PLXDC2: variants seen among roughly 807,000 people sequenced by gnomAD.
The protein encoded by PLXDC2 is plexin domain containing 2, also known as plexin domain-containing protein 2.
Under a neutral mutation model 68.9 loss-of-function variants are expected in PLXDC2, and 40 were observed. The ratio of observed to expected loss-of-function variants is 0.58; its 90% CI spans 0.45 to 0.76. The LOEUF (loss-of-function observed/expected upper bound fraction) is 0.76, where lower values mean the gene tolerates loss of function less well. Ranked by LOEUF, PLXDC2 falls within the 30% of genes least tolerant of loss-of-function variation. The probability of loss-of-function intolerance (pLI) is 0.00; values close to 1 mark genes in which losing one functional copy is unlikely to be tolerated. For missense variants in PLXDC2, 644 were observed against 661.9 expected, an observed-to-expected ratio of 0.97 and a Z score of 0.30; for synonymous variants, 243 against 234.2, an observed-to-expected ratio of 1.04 and a Z score of -0.34.
chr10:19,914,166 G>A (rs1283103838), intron 1 of PLXDC2, among the ~76,000 whole-genome samples: 1 of 150,478 alleles, frequency 6.6e-6, no homozygotes, highest in Non-Finnish European at 1.5e-5. Flanking sequence ...AGGAAAGAAG[G>A]AATACATCAA....
rs1262564948 is a variant in PLXDC2, at chr10:19,950,223, AT to A, written c.113-51547del. ...TCCAAGTAGAAAAAGAAGTCAAACT[AT>A]TTTTCTTCACTGACAATATGATTCT... On this transcript the variant is annotated intron_variant, in intron 1 of 13. Coordinates refer to ENST00000377252, the MANE Select transcript of PLXDC2 (RefSeq NM_032812.9). 2.6e-5 allele frequency among the ~76,000 whole-genome samples: 4 copies of A among 152,136 alleles called. No individual in the cohort carries two copies. In the East Asian group the frequency reaches 7.7e-4, roughly 29 times the overall value.
chr10:19,935,742 A>G (rs1489305659), intron 1 of PLXDC2, among the ~76,000 whole-genome samples: 1 of 152,256 alleles, frequency 6.6e-6, no homozygotes, highest in Non-Finnish European at 1.5e-5. Flanking sequence ...CAGCAAACCC[A>G]TAAACAGAGT....
intron 7 of PLXDC2, among the ~76,000 whole-genome samples, chr10:20,165,771 A>T (rs1834366489): frequency 6.6e-6 from 1 of 152,200 alleles, no homozygotes; most frequent in Non-Finnish European, 1.5e-5. Context: ...ATTTTATAGA[A>T]TAAAAAGGGA....
At chr10:20,116,492 T>C (rs1415890328) in intron 4 of PLXDC2, among the ~76,000 whole-genome samples, 1 of 135,954 alleles carries the variant, frequency 7.4e-6, no homozygotes, top group African/African-American at 3.0e-5. Flanking sequence ...TAATAAGCCA[T>C]TTTTTTTTTG....
At chr10:20,091,614 G>A (rs1459057818) in intron 4 of PLXDC2, 1 of 152,126 alleles carries the variant, frequency 6.6e-6, no homozygotes, top group Admixed American at 6.5e-5. Context: ...CCCGCACTGA[G>A]TTTCAGACAT....
intron 1 of PLXDC2, among the ~76,000 whole-genome samples, chr10:19,843,714 A>G (rs1836947804): frequency 6.6e-6 from 1 of 152,198 alleles, no homozygotes; most frequent in South Asian, 2.1e-4. Context: ...TGGGAGCTAA[A>G]AAAATGTGAT....
intron 1 of PLXDC2, among the ~76,000 whole-genome samples, chr10:19,934,909 C>T (rs1003959983): frequency 1.3e-5 from 2 of 152,086 alleles, no homozygotes; most frequent in Non-Finnish European, 2.9e-5. Flanking sequence ...AAAAAATATT[C>T]AAAGAAATAT....
intron 2 of PLXDC2, among the ~76,000 whole-genome samples, chr10:20,032,211 A>C (rs1469846080): frequency 1.3e-5 from 2 of 152,214 alleles, no homozygotes; most frequent in Non-Finnish European, 2.9e-5. Context: ...AGAACAATTA[A>C]AACAGACTAA....
At chr10:20,013,831 A>C (rs967668871) in intron 2 of PLXDC2, among the ~76,000 whole-genome samples, 1 of 152,202 alleles carries the variant, frequency 6.6e-6, no homozygotes, top group African/African-American at 2.4e-5. Flanking sequence ...TCCACTGAGT[A>C]ATCAGATACT....
intron 1 of PLXDC2, among the ~76,000 whole-genome samples, chr10:19,923,436 A>G (rs1279188390): frequency 1.3e-5 from 2 of 152,212 alleles, no homozygotes; most frequent in East Asian, 3.8e-4. Flanking sequence ...GTAAAAATCA[A>G]AGGATTTATA....
chr10:19,941,554 G>A (rs888389427), intron 1 of PLXDC2, among the ~76,000 whole-genome samples: 5 of 152,174 alleles, frequency 3.3e-5, no homozygotes, highest in Non-Finnish European at 7.3e-5. Flanking sequence ...GCACACCACT[G>A]AACCTTTTTT....
At chr10:20,237,828 A>G (rs1381818096) in intron 12 of PLXDC2, among the ~76,000 whole-genome samples, 1 of 152,192 alleles carries the variant, frequency 6.6e-6, no homozygotes, top group Non-Finnish European at 1.5e-5. Flanking sequence ...GGATATTAAT[A>G]TATTATGGAA....
chr10:20,203,857 T>A (rs1257499090), intron 9 of PLXDC2, among the ~76,000 whole-genome samples: 1 of 152,160 alleles, frequency 6.6e-6, no homozygotes, highest in East Asian at 1.9e-4. Flanking sequence ...TAAAGCAAAG[T>A]TCTTGTATTC....
intron 2 of PLXDC2, among the ~76,000 whole-genome samples, chr10:20,024,870 G>A (rs1386460145): frequency 1.3e-5 from 2 of 152,090 alleles, no homozygotes; most frequent in African/African-American, 4.8e-5. Context: ...GCCTCTAGCT[G>A]CATCCATGTT....
intron 4 of PLXDC2, among the ~76,000 whole-genome samples, chr10:20,092,103 T>G (rs902175320): frequency 2.6e-5 from 4 of 152,190 alleles, no homozygotes; most frequent in South Asian, 2.1e-4. Flanking sequence ...TATGGACAAT[T>G]TAACAAATGC....
chr10:19,915,303 G>A lies in PLXDC2; in HGVS notation c.113-86472G>A, dbSNP rs566665264. Among the ~76,000 whole-genome samples, 6 of 151,990 alleles carry A rather than the reference G, an allele frequency of 3.9e-5. No homozygotes were observed. The South Asian group carries it at 8.3e-4, about 21-fold the overall frequency. On this transcript the variant is annotated intron_variant, in intron 1 of 13. Coordinates refer to ENST00000377252, the MANE Select transcript of PLXDC2 (RefSeq NM_032812.9). ...AATATCTTTTTGTATATTTTTAGTG[G>A]TTACTCTAGAGATGATGCAATACAT... is the stretch of plus-strand genomic sequence containing the variant.
intron 12 of PLXDC2, among the ~76,000 whole-genome samples, chr10:20,227,955 A>T (rs1354904340): frequency 5.9e-5 from 9 of 152,192 alleles, no homozygotes; most frequent in Non-Finnish European, 1.2e-4. Context: ...ACATGAGCTA[A>T]TATTTGATTG....
At chr10:20,120,350 C>G (rs952173006) in intron 4 of PLXDC2, among the ~76,000 whole-genome samples, 3 of 152,104 alleles carry the variant, frequency 2.0e-5, no homozygotes, top group African/African-American at 7.2e-5. Context: ...GAATTGGTGG[C>G]TGAGCTTGGT....
chr10:19,839,761 T>C (rs918893231), intron 1 of PLXDC2, among the ~76,000 whole-genome samples: 1 of 152,146 alleles, frequency 6.6e-6, no homozygotes, highest in African/African-American at 2.4e-5. Context: ...CAGAGATTAA[T>C]GTGTAACGGC....
Sources: allele counts gnomAD v4.1 joint callset (sites outside exome capture counted in the v4.1 genomes callset), GRCh38; gene constraint gnomAD v4.1.1; transcripts MANE v1.5; gene names NCBI Gene and HGNC (gene_info 2026-07-23, HGNC 2026-07-21).